The following TBC1D22A variants were observed in gnomAD, a reference collection of about 807,000 sequenced individuals.
TBC1D22A encodes the protein TBC1 domain family member 22A.
TBC1D22A carries 38 observed loss-of-function variants against 60.2 expected under a neutral mutation model. The ratio of observed to expected loss-of-function variants is 0.63; its 90% CI spans 0.49 to 0.83. TBC1D22A has a LOEUF of 0.83. Among genes scored for constraint, TBC1D22A ranks in the 40% least tolerant of loss-of-function variants. TBC1D22A has a pLI of 0.00. For missense variants in TBC1D22A, 628 were observed against 701.0 expected (o/e 0.90, Z 1.18); for synonymous variants, 302 against 281.7 (o/e 1.07, Z -0.72).
chr22:46,874,862 C>CAAAAG (rs1462138713), intron 4 of TBC1D22A, among the ~76,000 whole-genome samples: 6 of 152,246 alleles, frequency 3.9e-5, no homozygotes, highest in African/African-American at 1.2e-4. Flanking sequence ...GCGTGAGCCA[C>CAAAAG]TGCACCTGGC....
chr22:47,096,736 T>G (rs551536260), intron 11 of TBC1D22A, among the ~76,000 whole-genome samples: 7 of 152,088 alleles, frequency 4.6e-5, no homozygotes, highest in Non-Finnish European at 8.8e-5. Context: ...GCAGGAGAAT[T>G]GCTTGAACCT....
chr22:46,843,903 C>G (rs1009402376), intron 4 of TBC1D22A, among the ~76,000 whole-genome samples: 1 of 152,066 alleles, frequency 6.6e-6, no homozygotes, highest in Non-Finnish European at 1.5e-5. Flanking sequence ...GGACAGCTGC[C>G]TTCCATTCAT....
At position 47,078,629 on chromosome 22, in the gene TBC1D22A, C is replaced by G. The variant is rs1162121357; in HGVS notation, c.1330-32879C>G. Among the ~76,000 whole-genome samples the G allele has an allele frequency of 2.6e-5, 4 of 152,248 alleles. No individual in the cohort carries two copies. The East Asian group carries it at 7.7e-4, about 29-fold the overall frequency. ...GCGTGTAGTTGCTATCAGTGTGATT[C>G]TTACCATCGAGGTTTAGGGAACCTA... On this transcript the variant is annotated intron_variant, in intron 11 of 12. Transcript: ENST00000337137.
chr22:47,150,450 G>A (rs2067458427), intron 12 of TBC1D22A, among the ~76,000 whole-genome samples: 1 of 152,206 alleles, frequency 6.6e-6, no homozygotes, highest in Non-Finnish European at 1.5e-5. Context: ...CTCTGCTCCA[G>A]GAGTGTCCCA....
intron 12 of TBC1D22A, among the ~76,000 whole-genome samples, chr22:47,164,183 C>T (rs1164041549): frequency 6.6e-6 from 1 of 152,228 alleles, no homozygotes; most frequent in African/African-American, 2.4e-5. Context: ...AGGGTGTGCA[C>T]TGGAGCAGGA....
At chr22:46,843,218 G>T (rs553075466) in intron 4 of TBC1D22A, among the ~76,000 whole-genome samples, 12 of 152,196 alleles carry the variant, frequency 7.9e-5, no homozygotes, top group Non-Finnish European at 1.6e-4. Context: ...GGAATCACTT[G>T]CTTCTGTTGT....
Position 47,014,885 on chromosome 22 carries a change from G to A in TBC1D22A, c.1201+17176G>A, listed in dbSNP as rs575518447. ...TGCCAGGGAGCCTCTTGATGTCCTT[G>A]GGACACGCCCAGCTACCAACAGAGC... is the stretch of plus-strand genomic sequence containing the variant. On this transcript the variant is annotated intron_variant, in intron 10 of 12. Transcript: ENST00000337137. 7.9e-5 allele frequency among the ~76,000 whole-genome samples: 12 copies of A among 152,338 alleles called. No homozygotes were observed. In the South Asian group the frequency reaches 2.5e-3, roughly 32 times the overall value.
At chr22:47,112,089 G>A (rs144281933) in intron 12 of TBC1D22A, among the ~76,000 whole-genome samples, 4 of 152,350 alleles carry the variant, frequency 2.6e-5, no homozygotes, top group Non-Finnish European at 5.9e-5. Flanking sequence ...CTTAGCAGGA[G>A]AGCCCTCCTC....
chr22:46,964,665 T>G lies in TBC1D22A; in HGVS notation c.1016-9625T>G, dbSNP rs138790653. 2.9e-3 allele frequency among the ~76,000 whole-genome samples: 446 copies of G among 152,300 alleles called. 5 individuals are homozygous for G. The highest frequency in any genetic ancestry group is 0.01 in the African/African-American group (416 of 41,550). On this transcript the variant is annotated intron_variant, in intron 8 of 12. Transcript: ENST00000337137. Reference sequence around the variant, plus strand: ...TCCTTCTGTGATTATATCCATCCAGTTTGGATAGTTACAATGTAAGCAGTT... The same window carrying G: ...TCCTTCTGTGATTATATCCATCCAGGTTGGATAGTTACAATGTAAGCAGTT...
chr22:46,778,768 C>A (rs903542581), intron 1 of TBC1D22A, among the ~76,000 whole-genome samples: 1 of 81,798 alleles, frequency 1.2e-5, no homozygotes, highest in Non-Finnish European at 2.6e-5. Flanking sequence ...TACAATAGGC[C>A]AGGCACAGTG....
intron 4 of TBC1D22A, among the ~76,000 whole-genome samples, chr22:46,870,016 A>G (rs2067230649): frequency 6.6e-6 from 1 of 152,258 alleles, no homozygotes; most frequent in African/African-American, 2.4e-5. Context: ...AGTGTGCTGA[A>G]TAACTGCATC....
chr22:46,825,357 C>T (rs79488338), intron 4 of TBC1D22A, among the ~76,000 whole-genome samples: 3,731 of 152,190 alleles, frequency 0.025, 156 homozygotes, highest in African/African-American at 0.085. Context: ...ACAGGGGACC[C>T]GCAATGGCTC....
intron 8 of TBC1D22A, among the ~76,000 whole-genome samples, chr22:46,972,813 A>C (rs2074124605): frequency 6.6e-6 from 1 of 152,180 alleles, no homozygotes; most frequent in Non-Finnish European, 1.5e-5. Context: ...GAACCAAATC[A>C]AAGCAATACC....
At chr22:47,005,693 C>A (rs1359055111) in intron 10 of TBC1D22A, among the ~76,000 whole-genome samples, 1 of 150,904 alleles carries the variant, frequency 6.6e-6, no homozygotes, top group African/African-American at 2.4e-5. Flanking sequence ...TACACACCTA[C>A]ACAGATACAC....
intron 8 of TBC1D22A, among the ~76,000 whole-genome samples, chr22:46,926,093 G>C (rs566058489): frequency 6.6e-6 from 1 of 152,176 alleles, no homozygotes; most frequent in Non-Finnish European, 1.5e-5. Context: ...AAATCGTAAG[G>C]GAAATTAGAA....
intron 8 of TBC1D22A, chr22:46,915,510 T>G: frequency 2.2e-6 from 1 of 456,742 alleles, no homozygotes; most frequent in Non-Finnish European, 4.4e-6. Context: ...CAGCTGCCAG[T>G]GGCACTAGCC....
At chr22:47,159,691 C>T (rs568034593) in intron 12 of TBC1D22A, among the ~76,000 whole-genome samples, 1 of 151,654 alleles carries the variant, frequency 6.6e-6, no homozygotes, top group East Asian at 1.9e-4. Context: ...ACGCCATGCA[C>T]CACACACCAC....
At chr22:47,068,044 C>G (rs962209376) in intron 11 of TBC1D22A, among the ~76,000 whole-genome samples, 1 of 152,270 alleles carries the variant, frequency 6.6e-6, no homozygotes, top group African/African-American at 2.4e-5. Flanking sequence ...ATACCTCCAC[C>G]AGAGTCCGCG....
At chr22:47,167,817 C>T (rs1601746780) in intron 12 of TBC1D22A, among the ~76,000 whole-genome samples, 2 of 152,200 alleles carry the variant, frequency 1.3e-5, no homozygotes, top group South Asian at 2.1e-4. Context: ...GTGGGTAAGA[C>T]GGGGATGGAA....
Sources: allele counts gnomAD v4.1 joint callset (sites outside exome capture counted in the v4.1 genomes callset), GRCh38; gene constraint gnomAD v4.1.1; transcripts MANE v1.5; gene names NCBI Gene and HGNC (gene_info 2026-07-23, HGNC 2026-07-21).